The following TLR4 variants were observed in gnomAD, a reference collection of about 807,000 sequenced individuals.
The protein encoded by TLR4 is toll like receptor 4.
Under a neutral mutation model 27.4 loss-of-function variants are expected in TLR4, and 17 were observed. The observed-to-expected ratio is 0.62, with a 90% CI of 0.42 to 0.93. The LOEUF is 0.93. TLR4 is among the 40% of genes least tolerant of loss of function. TLR4 has a pLI of 0.00. For missense variants in TLR4, 926 were observed against 962.3 expected (o/e 0.96, Z 0.50); for synonymous variants, 363 against 365.7 (o/e 0.99, Z 0.08).
At chr9:117,709,180 A>C (rs1269764096) in intron 2 of TLR4, among the ~76,000 whole-genome samples, 1 of 152,172 alleles carries the variant, frequency 6.6e-6, no homozygotes, top group Non-Finnish European at 1.5e-5. Flanking sequence ...GTATATAGTC[A>C]ACACATTTTA....
intron 1 of TLR4, 184 bp from the exon 2 acceptor site, chr9:117,708,379 A>G: frequency 1.4e-6 from 2 of 1,439,608 alleles, no homozygotes; most frequent in East Asian, 2.6e-5. Flanking sequence ...AAGACAATTT[A>G]TAAGCATGAA....
rs749495848 is a variant in TLR4, at chr9:117,713,210, A to G, written c.1082A>G (p.Asn361Ser). The G allele has an allele frequency of 6.2e-7, 1 of 1,614,046 alleles. No homozygotes were observed. Among genetic ancestry groups the G allele is most frequent in the South Asian group, 1.1e-5 (1 of 91,082 alleles). The change falls in exon 3 of 3, where the codon AAC becomes AGC. Residue 361 changes from asparagine to serine, a missense_variant. By Grantham distance (46) the Asn-to-Ser change is conservative. Coordinates refer to ENST00000355622, the MANE Select transcript of TLR4 (RefSeq NM_138554.5). The stretch of plus-strand genomic sequence containing the variant: ...CTCAAAAGGCTTACTTTCACTTCCA[A>G]CAAAGGTGGGAATGCTTTTTCAGAA... ...KSLKRLTFTS[N>S]KGGNAFSEVD...
At position 117,714,003 on chromosome 9, in the gene TLR4, C is replaced by T; in HGVS notation, c.1875C>T (p.Ile625=). The T allele has an allele frequency of 6.2e-7, 1 of 1,613,964 alleles. No homozygotes were observed. Among genetic ancestry groups the T allele is most frequent in the Non-Finnish European group, 8.5e-7 (1 of 1,179,966 alleles). The stretch of plus-strand genomic sequence containing the variant: ...GCATGCCTGTGCTGAGTTTGAATAT[C>T]ACCTGTCAGATGAATAAGACCATCA... The part of the protein sequence containing the change: ...KQGMPVLSLN[I]TCQMNKTIIG... Residue 625 remains isoleucine, a synonymous_variant, in exon 3 of 3, where the codon ATC becomes ATT. Coordinates refer to ENST00000355622, the MANE Select transcript of TLR4 (RefSeq NM_138554.5).
At position 117,718,951 on chromosome 9, in the gene TLR4, A is replaced by C. The variant is rs1163500789; in HGVS notation, c.*4303A>C. On this transcript the variant is annotated 3_prime_UTR_variant, in exon 3 of 3. Transcript: ENST00000355622. ...CCCCAGTCTTCTTCTGGACTCTATAAACTTTTTAGAAATCATCAGCAGGCT... is the reference window on the plus strand; with the variant it reads ...CCCCAGTCTTCTTCTGGACTCTATACACTTTTTAGAAATCATCAGCAGGCT... The C allele has an allele frequency of 6.6e-6, 1 of 152,198 alleles. No individual in the cohort carries two copies. Among genetic ancestry groups the C allele is most frequent in the Non-Finnish European group, 1.5e-5 (1 of 68,034 alleles). The allele number at this position is 152,198 out of a possible 1,614,324, so 9.4% of individuals were successfully genotyped here. A position where few individuals can be genotyped will look rare whatever the true frequency, so the allele number is the denominator to read the frequency against.
rs1829259258 is a variant in TLR4, at chr9:117,712,832, A to G, written c.704A>G (p.Asn235Ser). The change falls in exon 3 of 3, where the codon AAT becomes AGT. Residue 235 changes from asparagine to serine, a missense_variant. Transcript: ENST00000355622. ...EIRLHKLTLR[N>S]NFDSLNVMKT... is the part of the protein sequence containing the mutation. ...AGGCTTCATAAGCTGACTTTAAGAA[A>G]TAATTTTGATAGTTTAAATGTAATG... 1 of 1,614,008 alleles carries G rather than the reference A, an allele frequency of 6.2e-7. No homozygotes were observed. Among genetic ancestry groups the G allele is most frequent in the Admixed American group, 1.7e-5 (1 of 59,992 alleles).
Position 117,704,500 on chromosome 9 carries a change from A to C in TLR4, c.28A>C (p.Thr10Pro), listed in dbSNP as rs1829102018. Residue 10 changes from threonine to proline, a missense_variant, in exon 1 of 3, where the codon ACT becomes CCT. Physicochemically the swap from Thr to Pro is conservative, Grantham distance 38. Coordinates refer to ENST00000355622, the MANE Select transcript of TLR4 (RefSeq NM_138554.5). The part of the protein sequence containing the change: MMSASRLAG[T>P]LIPAMAFLSC... ...GATGTCTGCCTCGCGCCTGGCTGGG[A>C]CTCTGATCCCAGCCATGGCCTTCCT... 6.2e-7 allele frequency: 1 copy of C among 1,613,294 alleles called. No homozygotes were observed. Among genetic ancestry groups the C allele is most frequent in the South Asian group, 1.1e-5 (1 of 91,058 alleles).
In TLR4 at chr9:117,723,473, G is replaced by A. The variant is rs1220578381; in HGVS notation, c.*8825G>A. 2.0e-5 allele frequency: 3 copies of A among 152,154 alleles called. No homozygotes were observed. The highest frequency in any genetic ancestry group is 4.4e-5 in the Non-Finnish European group (3 of 68,018). 9.4% of individuals were successfully genotyped at this position (152,154 alleles called of 1,614,324 possible). A position where few individuals can be genotyped will look rare whatever the true frequency, so the allele number is the denominator to read the frequency against. On this transcript the variant is annotated 3_prime_UTR_variant, in exon 3 of 3. Coordinates refer to ENST00000355622, the MANE Select transcript of TLR4 (RefSeq NM_138554.5). Reference sequence around the variant, plus strand: ...TTGATCTCTTTGCTCTTTGGTCTCTGTTTATCTATGAGATAACGTTATTTT... The same window carrying A: ...TTGATCTCTTTGCTCTTTGGTCTCTATTTATCTATGAGATAACGTTATTTT...
At position 117,716,590 on chromosome 9, in the gene TLR4, T is replaced by A. The variant is rs1829351888; in HGVS notation, c.*1942T>A. 6.6e-6 allele frequency: 1 copy of A among 152,200 alleles called. No individual in the cohort carries two copies. The highest frequency in any genetic ancestry group is 1.5e-5 in the Non-Finnish European group (1 of 68,034). The allele number at this position is 152,200 out of a possible 1,614,324, so 9.4% of individuals were successfully genotyped here. A position where few individuals can be genotyped will look rare whatever the true frequency, so the allele number is the denominator to read the frequency against. Reference sequence around the variant, plus strand: ...GGAGAAATGAGGAAATAGGGAGTTGTCTAATTGGTATAAAATTATAGTATG... The same window carrying A: ...GGAGAAATGAGGAAATAGGGAGTTGACTAATTGGTATAAAATTATAGTATG... On this transcript the variant is annotated 3_prime_UTR_variant, in exon 3 of 3. Coordinates refer to ENST00000355622, the MANE Select transcript of TLR4 (RefSeq NM_138554.5).
In TLR4 at chr9:117,714,926, G is replaced by A; in HGVS notation, c.*278G>A. On this transcript the variant is annotated 3_prime_UTR_variant, in exon 3 of 3. Coordinates refer to ENST00000355622, the MANE Select transcript of TLR4 (RefSeq NM_138554.5). ...GTCATTTCAACTCTTACCTCATCAA[G>A]TTGAATAAAGACAGAGAAAACAGAA... 2.1e-6 allele frequency: 1 copy of A among 481,016 alleles called. No individual in the cohort carries two copies. The highest frequency in any genetic ancestry group is 2.3e-5 in the South Asian group (1 of 42,608). The allele number at this position is 481,016 out of a possible 1,614,324, so 29.8% of individuals were successfully genotyped here. A position where few individuals can be genotyped will look rare whatever the true frequency, so the allele number is the denominator to read the frequency against.
chr9:117,708,498 T>A lies in TLR4; in HGVS notation c.94-65T>A, dbSNP rs56363503. ...AGAGGCCCCTCTCCACCATCTCTGG[T>A]CTAGGAGAGGGGAGTTGGGAGACCA... On this transcript the variant is annotated intron_variant, in intron 1 of 2. Coordinates refer to ENST00000355622, the MANE Select transcript of TLR4 (RefSeq NM_138554.5). The A allele has an allele frequency of 6.3e-4, 1,009 of 1,611,160 alleles. 11 individuals carry two copies. The East Asian group carries it at 0.016, about 26-fold the overall frequency.
chr9:117,711,147 A>G (rs907602258), intron 2 of TLR4, among the ~76,000 whole-genome samples: 3 of 152,152 alleles, frequency 2.0e-5, no homozygotes, highest in Non-Finnish European at 4.4e-5. Flanking sequence ...ACCAAACCCA[A>G]GCTCTTTTGT....
Position 117,715,063 on chromosome 9 carries a change from T to C in TLR4, c.*415T>C, listed in dbSNP as rs1829319907. 4.8e-6 allele frequency: 1 copy of C among 209,446 alleles called. No homozygotes were observed. Among genetic ancestry groups the C allele is most frequent in the Non-Finnish European group, 9.9e-6 (1 of 101,452 alleles). 13.0% of individuals were successfully genotyped at this position (209,446 alleles called of 1,614,324 possible). A position where few individuals can be genotyped will look rare whatever the true frequency, so the allele number is the denominator to read the frequency against. ...AACTGGGTGTTCACTTTTTCCTTTT[T>C]GATTGAATACAATTTAAATTCTACT... is the stretch of plus-strand genomic sequence containing the variant. On this transcript the variant is annotated 3_prime_UTR_variant, in exon 3 of 3. Coordinates refer to ENST00000355622, the MANE Select transcript of TLR4 (RefSeq NM_138554.5).
In TLR4 at chr9:117,712,882, G is replaced by A. The variant is rs1363147767; in HGVS notation, c.754G>A (p.Gly252Ser). ...VMKTCIQGLA[G>S]LEVHRLVLGE... ...GAAAACTTGTATTCAAGGTCTGGCT[G>A]GTTTAGAAGTCCATCGTTTGGTTCT... The change falls in exon 3 of 3, where the codon GGT becomes AGT. Residue 252 changes from glycine (G) to serine (S), a missense_variant. Coordinates refer to ENST00000355622, the MANE Select transcript of TLR4 (RefSeq NM_138554.5). 3 of 1,613,916 alleles carry A rather than the reference G, an allele frequency of 1.9e-6. No individual in the cohort carries two copies. Among genetic ancestry groups the A allele is most frequent in the East Asian group, 2.2e-5 (1 of 44,872 alleles).
rs1050334826 is a variant in TLR4, at chr9:117,724,578, A to G, written c.*9930A>G. 1.3e-5 allele frequency: 2 copies of G among 152,140 alleles called. No homozygotes were observed. Among genetic ancestry groups the G allele is most frequent in the African/African-American group, 2.4e-5 (1 of 41,430 alleles). The allele number at this position is 152,140 out of a possible 1,614,324, so 9.4% of individuals were successfully genotyped here. ...TCTTTCTTCTCATGTATTAGAGAGA[A>G]CAAAAGCTTTGGGAATCAGACAGAT... On this transcript the variant is annotated 3_prime_UTR_variant, in exon 3 of 3. Coordinates refer to ENST00000355622, the MANE Select transcript of TLR4 (RefSeq NM_138554.5).
Position 117,712,433 on chromosome 9 carries a change from G to A in TLR4, c.305G>A (p.Ser102Asn). 6.2e-7 allele frequency: 1 copy of A among 1,613,896 alleles called. No homozygotes were observed. The highest frequency in any genetic ancestry group is 1.1e-5 in the South Asian group (1 of 91,074). The change falls in exon 3 of 3, where the codon AGC (serine) becomes AAC (asparagine). Residue 102 changes from serine (S) to asparagine (N), a missense_variant. Transcript: ENST00000355622. ...TIEDGAYQSL[S>N]HLSTLILTGN... ...GAAGATGGGGCATATCAGAGCCTAAGCCACCTCTCTACCTTAATATTGACA... is the reference window on the plus strand; with the variant it reads ...GAAGATGGGGCATATCAGAGCCTAAACCACCTCTCTACCTTAATATTGACA...
chr9:117,711,012 T>C (rs1829222139), intron 2 of TLR4, among the ~76,000 whole-genome samples: 1 of 152,190 alleles, frequency 6.6e-6, no homozygotes, highest in Admixed American at 6.5e-5. Context: ...ATAACAATCA[T>C]ATAATTGAAA....
At position 117,713,577 on chromosome 9, in the gene TLR4, C is replaced by T; in HGVS notation, c.1449C>T (p.Phe483=). 1.2e-6 allele frequency: 2 copies of T among 1,613,948 alleles called. No individual in the cohort carries two copies. The highest frequency in any genetic ancestry group is 1.1e-5 in the South Asian group (1 of 91,074). The part of the protein sequence containing the change: ...LEVLKMAGNS[F]QENFLPDIFT... Reference sequence around the variant, plus strand: ...TCTTGAAAATGGCTGGCAATTCTTTCCAGGAAAACTTCCTTCCAGATATCT... The same window carrying T: ...TCTTGAAAATGGCTGGCAATTCTTTTCAGGAAAACTTCCTTCCAGATATCT... The change falls in exon 3 of 3, where the codon TTC becomes TTT. Residue 483 remains phenylalanine (F), a synonymous_variant. Transcript: ENST00000355622.
At position 117,704,490 on chromosome 9, in the gene TLR4, C is replaced by G. The variant is rs1404952872; in HGVS notation, c.18C>G (p.Arg6=). 12 of 1,613,574 alleles carry G rather than the reference C, an allele frequency of 7.4e-6. No homozygotes were observed. Among genetic ancestry groups the G allele is most frequent in the Non-Finnish European group, 1.0e-5 (12 of 1,179,958 alleles). Residue 6 remains arginine (R), a synonymous_variant, in exon 1 of 3, where the codon CGC becomes CGG. Transcript: ENST00000355622. MMSAS[R]LAGTLIPAMA... ...ATGCCAGGATGATGTCTGCCTCGCG[C>G]CTGGCTGGGACTCTGATCCCAGCCA... is the stretch of plus-strand genomic sequence containing the variant.
intron 1 of TLR4, among the ~76,000 whole-genome samples, chr9:117,705,914 A>G (rs1453625629): frequency 6.6e-6 from 1 of 152,176 alleles, no homozygotes. Context: ...TCCATTGGCA[A>G]TATTATGTGA....
Sources: allele counts gnomAD v4.1 joint callset (sites outside exome capture counted in the v4.1 genomes callset), GRCh38; gene constraint gnomAD v4.1.1; transcripts MANE v1.5; gene names NCBI Gene and HGNC (gene_info 2026-07-23, HGNC 2026-07-21).